The following TMEM117 variants were observed in gnomAD, a reference collection of about 807,000 sequenced individuals.
The protein encoded by TMEM117 is transmembrane protein 117.
TMEM117 carries 27 observed loss-of-function variants against 52.4 expected under a neutral mutation model. The observed-to-expected ratio is 0.51, with a 90% CI of 0.38 to 0.71. The LOEUF is 0.71. Among genes scored for constraint, TMEM117 ranks in the 30% least tolerant of loss-of-function variants. The pLI, the probability that TMEM117 is intolerant of heterozygous loss-of-function variation, is 0.00. For missense variants in TMEM117, 556 were observed against 630.5 expected (o/e 0.88, Z 1.26); for synonymous variants, 215 against 206.3 (o/e 1.04, Z -0.36).
chr12:44,099,925 AC>A (rs756342953), intron 3 of TMEM117, among the ~76,000 whole-genome samples: 18 of 151,992 alleles, frequency 1.2e-4, no homozygotes, highest in Non-Finnish European at 1.8e-4. Context: ...AAGAATGATG[AC>A]CTGATATTGC....
chr12:44,050,911 G>A (rs1383992268), intron 3 of TMEM117, among the ~76,000 whole-genome samples: 1 of 152,200 alleles, frequency 6.6e-6, no homozygotes, highest in Non-Finnish European at 1.5e-5. Context: ...AGGAAGTTTA[G>A]GAGTAAGACT....
At chr12:44,171,951 G>GA (rs757431139) in intron 4 of TMEM117, among the ~76,000 whole-genome samples, 3 of 152,158 alleles carry the variant, frequency 2.0e-5, no homozygotes, top group Non-Finnish European at 4.4e-5. Context: ...GAAGGCATTT[G>GA]CCTTAGCTCA....
intron 3 of TMEM117, among the ~76,000 whole-genome samples, chr12:44,094,514 AT>A: frequency 6.6e-6 from 1 of 152,288 alleles, no homozygotes; most frequent in African/African-American, 2.4e-5. Context: ...AAAGAAATGC[AT>A]TAGTGAAAAG....
intron 4 of TMEM117, among the ~76,000 whole-genome samples, chr12:44,153,067 C>G (rs983990695): frequency 1.3e-5 from 2 of 151,486 alleles, no homozygotes; most frequent in Admixed American, 6.6e-5. Flanking sequence ...ACAAAAGAAG[C>G]ACATAGCTTC....
chr12:43,994,290 T>C (rs542536282), intron 3 of TMEM117, among the ~76,000 whole-genome samples: 167 of 152,334 alleles, frequency 1.1e-3, no homozygotes, highest in African/African-American at 3.8e-3. Flanking sequence ...GCTACATCTC[T>C]GAGGAATGGA....
chr12:43,823,177 G>A, the TMEM117 span, among the ~76,000 whole-genome samples: 1 of 152,166 alleles, frequency 6.6e-6, no homozygotes. Context: ...AAGGTAATAG[G>A]AGATGTGCCA....
intron 6 of TMEM117, among the ~76,000 whole-genome samples, chr12:44,310,232 A>G (rs1458850179): frequency 1.3e-5 from 2 of 152,212 alleles, no homozygotes; most frequent in Non-Finnish European, 2.9e-5. Context: ...ACTAAGAAAA[A>G]CTATAGTAAT....
intron 2 of TMEM117, among the ~76,000 whole-genome samples, chr12:43,896,091 C>T (rs1308372277): frequency 6.6e-6 from 1 of 152,108 alleles, no homozygotes; most frequent in Non-Finnish European, 1.5e-5. Flanking sequence ...AAAGACACAC[C>T]CAAGAACAAT....
chr12:44,286,487 A>G (rs1167857596), intron 5 of TMEM117, among the ~76,000 whole-genome samples: 3 of 152,198 alleles, frequency 2.0e-5, no homozygotes, highest in Non-Finnish European at 4.4e-5. Flanking sequence ...AACCACCATA[A>G]ATGAGTCAGC....
At chr12:43,822,883 C>A in the TMEM117 span, among the ~76,000 whole-genome samples, 1 of 146,192 alleles carries the variant, frequency 6.8e-6, no homozygotes, top group East Asian at 2.0e-4. Context: ...GCCTGGGCAA[C>A]AGAGTAAGAC....
chr12:44,126,842 C>T (rs949026939), intron 3 of TMEM117, among the ~76,000 whole-genome samples: 1 of 152,152 alleles, frequency 6.6e-6, no homozygotes, highest in Non-Finnish European at 1.5e-5. Flanking sequence ...TGTTAACATG[C>T]AAGCAGAAAG....
chr12:44,008,936 G>T, intron 3 of TMEM117: 1 of 387,016 alleles, frequency 2.6e-6, no homozygotes, highest in South Asian at 2.2e-5. Context: ...ATTAAGATCT[G>T]AACTCCATCT....
chr12:44,320,072 A>G (rs1353636398), intron 6 of TMEM117, among the ~76,000 whole-genome samples: 1 of 152,192 alleles, frequency 6.6e-6, no homozygotes, highest in African/African-American at 2.4e-5. Flanking sequence ...ACTGGCAACC[A>G]GCTCTATCCA....
At chr12:44,282,126 C>T (rs61933047) in intron 5 of TMEM117, among the ~76,000 whole-genome samples, 1,819 of 152,228 alleles carry the variant, frequency 0.012, 23 homozygotes, top group African/African-American at 0.025. Flanking sequence ...TTGTTGCCAC[C>T]ATGTAAGAAG....
chr12:43,814,973 G>A, the TMEM117 span, among the ~76,000 whole-genome samples: 1 of 152,036 alleles, frequency 6.6e-6, no homozygotes, highest in African/African-American at 2.4e-5. Context: ...TCGAGCTCCT[G>A]ACCTCAGGTG....
chr12:44,016,419 C>T (rs1163774587), intron 3 of TMEM117, among the ~76,000 whole-genome samples: 2 of 152,202 alleles, frequency 1.3e-5, no homozygotes, highest in Non-Finnish European at 2.9e-5. Context: ...ACAGCAGAGT[C>T]TCCCTTTCTC....
chr12:44,061,029 C>T (rs1947131136), intron 3 of TMEM117, among the ~76,000 whole-genome samples: 1 of 151,974 alleles, frequency 6.6e-6, no homozygotes, highest in African/African-American at 2.4e-5. Flanking sequence ...TTATAACAAC[C>T]CAATTAAGTA....
In TMEM117 at chr12:44,376,744, A is replaced by T; in HGVS notation, c.898+20A>T. On this transcript the variant is annotated intron_variant, in intron 7 of 7. Transcript: ENST00000266534. ...TAACAGGTGTGTTATATCTTTGAAC[A>T]CAATTTGATTATCTTCGTACATTAG... 6.3e-7 allele frequency: 1 copy of T among 1,577,974 alleles called. No individual in the cohort carries two copies. The highest frequency in any genetic ancestry group is 8.6e-7 in the Non-Finnish European group (1 of 1,166,562).
chr12:43,967,670 C>T (rs1180904964), intron 3 of TMEM117, among the ~76,000 whole-genome samples: 3 of 152,050 alleles, frequency 2.0e-5, no homozygotes, highest in African/African-American at 4.8e-5. Flanking sequence ...TAGCCTCAGC[C>T]GATGTGGTGA....
Sources: allele counts gnomAD v4.1 joint callset (sites outside exome capture counted in the v4.1 genomes callset), GRCh38; gene constraint gnomAD v4.1.1; transcripts MANE v1.5; gene names NCBI Gene and HGNC (gene_info 2026-07-23, HGNC 2026-07-21).